The following IGFBP7 variants were observed in gnomAD, a reference collection of about 807,000 sequenced individuals.
IGFBP7 encodes insulin like growth factor binding protein 7.
IGFBP7 carries 31 observed loss-of-function variants against 29.4 expected under a neutral mutation model. The observed-to-expected ratio is 1.05, with a 90% CI of 0.79 to 1.42. IGFBP7 has a LOEUF of 1.42. Ranked by LOEUF, IGFBP7 falls within the 40% of genes most tolerant of loss-of-function variation. The pLI is 0.00. For synonymous variants in IGFBP7, 172 were observed against 174.9 expected (o/e 0.98, Z 0.13); for missense variants, 393 against 395.5 (o/e 0.99, Z 0.05).
intron 1 of IGFBP7, among the ~76,000 whole-genome samples, chr4:57,069,698 G>A (rs1401209994): frequency 6.6e-6 from 1 of 152,068 alleles, no homozygotes; most frequent in Non-Finnish European, 1.5e-5. Flanking sequence ...CAGCAAATAA[G>A]CAGAGAGAAG....
intron 1 of IGFBP7, among the ~76,000 whole-genome samples, chr4:57,066,569 G>GT (rs1036075999): frequency 0.01 from 1,480 of 147,230 alleles, 12 homozygotes; most frequent in Middle Eastern, 0.035. Context: ...TTAGTTTTAA[G>GT]TTTTTTTTTT....
At chr4:57,089,892 G>A (rs1382092302) in intron 1 of IGFBP7, among the ~76,000 whole-genome samples, 1 of 152,154 alleles carries the variant, frequency 6.6e-6, no homozygotes, top group Non-Finnish European at 1.5e-5. Context: ...TAATGATGAC[G>A]ATGATCTGAG....
intron 1 of IGFBP7, among the ~76,000 whole-genome samples, chr4:57,089,768 A>C (rs923060177): frequency 6.6e-5 from 10 of 152,178 alleles, no homozygotes; most frequent in African/African-American, 2.4e-4. Context: ...ATTTCTGGCC[A>C]ATGAGATTAG....
At chr4:57,058,637 T>C (rs984722921) in intron 1 of IGFBP7, among the ~76,000 whole-genome samples, 1 of 152,102 alleles carries the variant, frequency 6.6e-6, no homozygotes, top group African/African-American at 2.4e-5. Flanking sequence ...CCCCAAACTA[T>C]AAAAGCCCTG....
At chr4:57,042,724 T>C (rs1724261174) in intron 1 of IGFBP7, among the ~76,000 whole-genome samples, 1 of 152,226 alleles carries the variant, frequency 6.6e-6, no homozygotes, top group Non-Finnish European at 1.5e-5. Flanking sequence ...GAAATGTCCA[T>C]AAAATAAAGT....
At chr4:57,051,560 C>A (rs947400901) in intron 1 of IGFBP7, among the ~76,000 whole-genome samples, 2 of 152,200 alleles carry the variant, frequency 1.3e-5, no homozygotes, top group Admixed American at 1.3e-4. Context: ...GTAAGAACTG[C>A]TTCCTCTTCT....
At position 57,054,514 on chromosome 4, in the gene IGFBP7, C is replaced by T. The variant is rs146229672; in HGVS notation, c.476-13581G>A. On this transcript the variant is annotated intron_variant, in intron 1 of 4. Coordinates refer to ENST00000295666, the MANE Select transcript of IGFBP7 (RefSeq NM_001553.3). ...TCAGGCTAATTTTGGTAGCACGTGCCTGTAGTCCCAGCTACTTGGAAGGCT... is the reference window on the plus strand; with the variant it reads ...TCAGGCTAATTTTGGTAGCACGTGCTTGTAGTCCCAGCTACTTGGAAGGCT... 9.9e-4 allele frequency among the ~76,000 whole-genome samples: 151 copies of T among 151,952 alleles called. 2 individuals are homozygous for T. The East Asian group carries it at 0.026, about 26-fold the overall frequency.
chr4:57,103,931 T>C (rs767754175), intron 1 of IGFBP7, among the ~76,000 whole-genome samples: 7 of 152,096 alleles, frequency 4.6e-5, no homozygotes, highest in Non-Finnish European at 1.0e-4. Flanking sequence ...TGAGGGACAA[T>C]AGATCTCTTG....
chr4:57,102,983 G>A (rs1418556495), intron 1 of IGFBP7, among the ~76,000 whole-genome samples: 1 of 152,142 alleles, frequency 6.6e-6, no homozygotes, highest in Non-Finnish European at 1.5e-5. Flanking sequence ...TGGTAATTTG[G>A]AGGCAGGACT....
chr4:57,063,197 C>CT (rs1428056020), intron 1 of IGFBP7, among the ~76,000 whole-genome samples: 3 of 151,960 alleles, frequency 2.0e-5, no homozygotes, highest in African/African-American at 7.3e-5. Context: ...GATTAGTTTC[C>CT]TTTTTGTTTG....
chr4:57,071,703 G>T (rs990066651), intron 1 of IGFBP7, among the ~76,000 whole-genome samples: 1 of 152,202 alleles, frequency 6.6e-6, no homozygotes, highest in African/African-American at 2.4e-5. Flanking sequence ...GGCATATTTG[G>T]TCATGGAGGC....
chr4:57,084,788 GTTT>G (rs57704332), intron 1 of IGFBP7, among the ~76,000 whole-genome samples: 5 of 113,100 alleles, frequency 4.4e-5, no homozygotes, highest in African/African-American at 6.9e-5. Context: ...TTTAAAAAAG[GTTT>G]TTTTTTTTTT....
intron 1 of IGFBP7, among the ~76,000 whole-genome samples, chr4:57,092,583 G>T (rs1725666972): frequency 6.6e-6 from 1 of 151,710 alleles, no homozygotes; most frequent in African/African-American, 2.4e-5. Flanking sequence ...TTTGCTTTTG[G>T]GCTTTTGTTT....
rs11573021 is a variant in IGFBP7 at position 57,110,321 on chromosome 4, G to A, written c.31C>T (p.Leu11Phe). ...AGGAGCAGCAGCCCAGCGGCGCCGA[G>A]GAGCAGGGCGCGCAGCGACGGCCGC... MERPSLRALLLGAAGLLLLLL... is the reference protein window; with the variant it reads MERPSLRALLFGAAGLLLLLL... Residue 11 changes from leucine (L) to phenylalanine (F), a missense_variant, in exon 1 of 5, where the codon CTC becomes TTC. Transcript: ENST00000295666. The A allele has an allele frequency of 0.18, 256,382 of 1,399,624 alleles. 26,244 individuals carry two copies. Among genetic ancestry groups the A allele is most frequent in the Non-Finnish European group, 0.21 (224,916 of 1,074,586 alleles). 86.7% of individuals were successfully genotyped at this position (1,399,624 alleles called of 1,614,324 possible).
At chr4:57,080,999 G>C (rs559089130) in intron 1 of IGFBP7, among the ~76,000 whole-genome samples, 1 of 152,148 alleles carries the variant, frequency 6.6e-6, no homozygotes, top group Admixed American at 6.5e-5. Flanking sequence ...GTGGGCTGAG[G>C]ATGCTGACAG....
At position 57,084,788 on chromosome 4, in the gene IGFBP7, G is replaced by GTTTTTTTTTTTTTTTTTT. The variant is rs57704332; in HGVS notation, c.475+25071_475+25088dup. Among the ~76,000 whole-genome samples, 4 of 113,104 alleles carry GTTTTTTTTTTTTTTTTTT rather than the reference G, an allele frequency of 3.5e-5. 1 individual carries two copies. The highest frequency in any genetic ancestry group is 5.2e-5 in the Non-Finnish European group (3 of 58,094). The allele number at this position is 113,104 out of a possible 152,430, so 74.2% of individuals were successfully genotyped here. Reference sequence around the variant, plus strand: ...CTTTTTACTCAGATGTTTAAAAAAGGTTTTTTTTTTTTTTTTTTTTGGGAC... The same window carrying GTTTTTTTTTTTTTTTTTT: ...CTTTTTACTCAGATGTTTAAAAAAGGTTTTTTTTTTTTTTTTTTTTTTTTTTTTTTTTTTTTTTGGGAC... On this transcript the variant is annotated intron_variant, in intron 1 of 4. Transcript: ENST00000295666.
At chr4:57,033,997 C>T (rs1724015520) in intron 2 of IGFBP7, among the ~76,000 whole-genome samples, 1 of 134,482 alleles carries the variant, frequency 7.4e-6, no homozygotes, top group Non-Finnish European at 1.5e-5. Context: ...TTGCAGTGAG[C>T]TGAGATCGCG....
chr4:57,049,549 C>T (rs1343908316), intron 1 of IGFBP7, among the ~76,000 whole-genome samples: 2 of 152,164 alleles, frequency 1.3e-5, no homozygotes, highest in East Asian at 1.9e-4. Context: ...TCTTATCACA[C>T]TTTATTTGAC....
intron 1 of IGFBP7, among the ~76,000 whole-genome samples, chr4:57,041,880 G>A (rs1724234870): frequency 6.6e-6 from 1 of 152,130 alleles, no homozygotes; most frequent in Non-Finnish European, 1.5e-5. Context: ...TGTCGAGGAA[G>A]GTGGTACAGG....
Sources: allele counts gnomAD v4.1 joint callset (sites outside exome capture counted in the v4.1 genomes callset), GRCh38; gene constraint gnomAD v4.1.1; transcripts MANE v1.5; gene names NCBI Gene and HGNC (gene_info 2026-07-23, HGNC 2026-07-21).